Variants in DGUOK observed in about 807,000 individuals in gnomAD.
The protein encoded by DGUOK is deoxyguanosine kinase.
In DGUOK, 30 loss-of-function variants were observed where a neutral mutation model predicts 36.6. The observed-to-expected ratio is 0.82, with a 90% CI of 0.61 to 1.11. The LOEUF (loss-of-function observed/expected upper bound fraction) is 1.11, where lower values mean the gene tolerates loss of function less well. Ranked by LOEUF, DGUOK falls within the 50% of genes most tolerant of loss-of-function variation. The pLI is 0.00. For missense variants in DGUOK, 361 were observed against 336.4 expected, an observed-to-expected ratio of 1.07 and a Z score of -0.57; for synonymous variants, 145 against 126.3, an observed-to-expected ratio of 1.15 and a Z score of -0.99.
intron 3 of DGUOK, 111 bp from the exon 4 acceptor site, chr2:73,950,474 C>A: frequency 8.3e-7 from 1 of 1,201,776 alleles, no homozygotes; most frequent in Non-Finnish European, 1.2e-6. Context: ...GTGGTTTGAA[C>A]AGACATGGAA....
At chr2:73,952,613 G>C (rs996272978) in intron 4 of DGUOK, among the ~76,000 whole-genome samples, 3 of 152,218 alleles carry the variant, frequency 2.0e-5, no homozygotes, top group African/African-American at 7.2e-5. Context: ...CTCAGGACGA[G>C]CTGAGCATTA....
At position 73,946,728 on chromosome 2, in the gene DGUOK, G is replaced by A. The variant is rs138683121; in HGVS notation, c.265G>A (p.Ala89Thr). 5.9e-5 allele frequency: 95 copies of A among 1,613,960 alleles called. No homozygotes were observed. Among genetic ancestry groups the A allele is most frequent in the Non-Finnish European group, 7.7e-5 (91 of 1,180,042 alleles). Residue 89 changes from alanine (A) to threonine (T), a missense_variant, in exon 3 of 7, where the codon GCC (alanine) becomes ACC (threonine). Transcript: ENST00000264093. ...QAAGTQKACT[A>T]QSLGNLLDMM... ...TTTCATCTCCCTCTAGGCCTGCACT[G>A]CCCAAAGTCTTGGAAACTTGCTGGA... is the stretch of plus-strand genomic sequence containing the variant.
chr2:73,953,868 G>A (rs986774202), intron 4 of DGUOK, among the ~76,000 whole-genome samples: 4 of 151,632 alleles, frequency 2.6e-5, no homozygotes, highest in East Asian at 1.9e-4. Context: ...ACAGGCACCC[G>A]CCACCACACC....
At chr2:73,958,125 A>C in intron 5 of DGUOK, 21 bp from the exon 6 acceptor site, 12 of 1,601,412 alleles carry the variant, frequency 7.5e-6, no homozygotes, top group Non-Finnish European at 1.0e-5. Flanking sequence ...TCTGTCCCCC[A>C]AACGTTCACG....
chr2:73,958,353 C>T (rs1683287260), intron 6 of DGUOK, 108 bp downstream of exon 6: 2 of 843,972 alleles, frequency 2.4e-6, no homozygotes, highest in South Asian at 2.8e-5. Context: ...CTTTGCATCT[C>T]ACATTGCATT....
At chr2:73,938,806 T>C in intron 1 of DGUOK, 104 bp from the exon 2 acceptor site, 1 of 801,282 alleles carries the variant, frequency 1.2e-6, no homozygotes, top group East Asian at 2.5e-5. Flanking sequence ...AGAAAACTAA[T>C]ACTTGTTCCC....
At chr2:73,958,317 C>T in intron 6 of DGUOK, 72 bp downstream of exon 6, 7 of 1,214,596 alleles carry the variant, frequency 5.8e-6, no homozygotes, top group Non-Finnish European at 6.1e-6. Context: ...GCCTTTGCTT[C>T]AAAGTTCAAT....
chr2:73,958,591 T>TATTA (rs1482736893), intron 6 of DGUOK, 119 bp from the exon 7 acceptor site: 3 of 848,054 alleles, frequency 3.5e-6, no homozygotes, highest in East Asian at 2.5e-5. Context: ...TCTCCATGCC[T>TATTA]ATTATTTTCC....
At chr2:73,928,369 C>G (rs955033612) in intron 1 of DGUOK, among the ~76,000 whole-genome samples, 1 of 152,184 alleles carries the variant, frequency 6.6e-6, no homozygotes, top group Non-Finnish European at 1.5e-5. Flanking sequence ...CTCAGGTGAT[C>G]CGCCTGCCTC....
At chr2:73,929,495 C>T (rs530348202) in intron 1 of DGUOK, among the ~76,000 whole-genome samples, 24 of 152,096 alleles carry the variant, frequency 1.6e-4, no homozygotes, top group Non-Finnish European at 2.4e-4. Flanking sequence ...AGGGTCTCCC[C>T]GGACTGGAGC....
intron 2 of DGUOK, among the ~76,000 whole-genome samples, chr2:73,939,907 CTTT>C (rs35979524): frequency 7.3e-6 from 1 of 136,668 alleles, no homozygotes; most frequent in African/African-American, 2.8e-5. Flanking sequence ...AGTCTCTCTC[CTTT>C]TTTTTTTTTT....
At position 73,946,909 on chromosome 2, in the gene DGUOK, A is replaced by T; in HGVS notation, c.443+3A>T. 6.2e-7 allele frequency: 1 copy of T among 1,609,046 alleles called. No individual in the cohort carries two copies. On this transcript the variant is annotated splice_donor_region_variant and intron_variant, in intron 3 of 6. Transcript: ENST00000264093. ...GAGAGGTCTGTGTACAGTGACAGGT[A>T]AAATGCCAAGCCCTCCACCAGTCAC... is the stretch of plus-strand genomic sequence containing the variant.
intron 4 of DGUOK, among the ~76,000 whole-genome samples, chr2:73,953,911 C>T (rs1210374337): frequency 4.6e-5 from 7 of 151,806 alleles, no homozygotes; most frequent in South Asian, 2.1e-4. Flanking sequence ...TTAGTAGAGA[C>T]GGGGTTTCAC....
At position 73,938,769 on chromosome 2, in the gene DGUOK, A is replaced by G. The variant is rs1373945094; in HGVS notation, c.143-141A>G. The G allele has an allele frequency of 4.7e-5, 33 of 695,554 alleles. No homozygotes were observed. The East Asian group carries it at 7.7e-4, about 16-fold the overall frequency. 43.1% of individuals were successfully genotyped at this position (695,554 alleles called of 1,614,324 possible). On this transcript the variant is annotated intron_variant, in intron 1 of 6. Coordinates refer to ENST00000264093, the MANE Select transcript of DGUOK (RefSeq NM_080916.3). The stretch of plus-strand genomic sequence containing the variant: ...GAATTGATCTGTTATCAGTCTGACA[A>G]TGGTACGGCTGCTGAGTTTGAAATT...
At position 73,926,975 on chromosome 2, in the gene DGUOK, C is replaced by T. The variant is rs757962437; in HGVS notation, c.65C>T (p.Pro22Leu). 3 of 1,612,924 alleles carry T rather than the reference C, an allele frequency of 1.9e-6. No homozygotes were observed. Among genetic ancestry groups the T allele is most frequent in the Non-Finnish European group, 2.5e-6 (3 of 1,180,046 alleles). The change falls in exon 1 of 7, where the codon CCA (proline) becomes CTA (leucine). Residue 22 changes from proline to leucine, a missense_variant. Transcript: ENST00000264093. ...CCCTTCAGTTCCATGGCCAAGAGCC[C>T]ACTCGAGGGCGTTTCCTCCTCCAGA... is the stretch of plus-strand genomic sequence containing the variant. Reference protein sequence around the residue: ...RAPFSSMAKSPLEGVSSSRGL... With the variant: ...RAPFSSMAKSLLEGVSSSRGL...
chr2:73,933,674 T>C (rs939504854), intron 1 of DGUOK, among the ~76,000 whole-genome samples: 6 of 152,204 alleles, frequency 3.9e-5, no homozygotes, highest in African/African-American at 1.4e-4. Context: ...TAAGTTTTTT[T>C]TAAGCCTGCT....
chr2:73,948,479 C>T (rs952890562), intron 3 of DGUOK, among the ~76,000 whole-genome samples: 2 of 152,152 alleles, frequency 1.3e-5, no homozygotes, highest in African/African-American at 2.4e-5. Flanking sequence ...GTTCTAATCC[C>T]GAGGGTAATT....
chr2:73,936,946 C>A (rs1417475945), intron 1 of DGUOK, among the ~76,000 whole-genome samples: 1 of 152,142 alleles, frequency 6.6e-6, no homozygotes, highest in African/African-American at 2.4e-5. Context: ...TAAACAGAAC[C>A]TTGAGGATTG....
At chr2:73,950,869 C>T in intron 4 of DGUOK, 137 bp downstream of exon 4, 1 of 1,180,144 alleles carries the variant, frequency 8.5e-7, no homozygotes, top group Admixed American at 1.7e-5. Flanking sequence ...TGGGGGACAC[C>T]CTCCTGTCCC....
Sources: allele counts gnomAD v4.1 joint callset (sites outside exome capture counted in the v4.1 genomes callset), GRCh38; gene constraint gnomAD v4.1.1; transcripts MANE v1.5; gene names NCBI Gene and HGNC (gene_info 2026-07-23, HGNC 2026-07-21).